Variants in IL5RA observed in about 807,000 individuals in gnomAD.
IL5RA encodes the protein interleukin 5 receptor subunit alpha.
Under a neutral mutation model 50.0 loss-of-function variants are expected in IL5RA, and 49 were observed. That is an observed-to-expected ratio of 0.98 (90% confidence interval 0.78 to 1.24). The LOEUF is 1.24. Ranked by LOEUF, IL5RA falls within the 50% of genes most tolerant of loss-of-function variation. The probability of loss-of-function intolerance (pLI) is 0.00; values close to 1 mark genes in which losing one functional copy is unlikely to be tolerated. For synonymous variants in IL5RA, 202 were observed against 174.0 expected (o/e 1.16, Z -1.26); for missense variants, 600 against 500.4 (o/e 1.20, Z -1.90).
At chr3:3,090,656 T>C (rs933321341) in intron 9 of IL5RA, among the ~76,000 whole-genome samples, 13 of 144,486 alleles carry the variant, frequency 9.0e-5, no homozygotes. Flanking sequence ...AAGCTCCGCC[T>C]CCCGGGTTCA....
At chr3:3,080,915 C>T (rs1196226663) in intron 9 of IL5RA, among the ~76,000 whole-genome samples, 1 of 152,198 alleles carries the variant, frequency 6.6e-6, no homozygotes, top group Non-Finnish European at 1.5e-5. Flanking sequence ...AGGCTGGTCT[C>T]AAACTCCTAA....
intron 9 of IL5RA, among the ~76,000 whole-genome samples, chr3:3,085,679 A>G (rs543204918): frequency 7.9e-5 from 12 of 152,320 alleles, no homozygotes; most frequent in Admixed American, 7.2e-4. Flanking sequence ...AAGTCAAAAG[A>G]AAAAGGCACA....
chr3:3,078,834 C>CA lies in IL5RA; in HGVS notation c.995-2208dup, dbSNP rs371826442. On this transcript the variant is annotated intron_variant, in intron 9 of 11. Transcript: ENST00000446632. ...GGGTGACAAGAGCGAGACTCCGTCTCAAAAAAAAAAAAAAAAAAATTATTT... is the reference window on the plus strand; with the variant it reads ...GGGTGACAAGAGCGAGACTCCGTCTCAAAAAAAAAAAAAAAAAAAATTATTT... 5.7e-3 allele frequency among the ~76,000 whole-genome samples: 775 copies of CA among 135,704 alleles called. 5 individuals carry two copies. Among genetic ancestry groups the CA allele is most frequent in the African/African-American group, 0.016 (620 of 38,166 alleles). 89.0% of individuals were successfully genotyped at this position (135,704 alleles called of 152,430 possible). A position where few individuals can be genotyped will look rare whatever the true frequency, so the allele number is the denominator to read the frequency against.
rs1397288704 is a variant in IL5RA at position 3,095,226 on chromosome 3, A to G, written c.855+73T>C. On this transcript the variant is annotated intron_variant, in intron 8 of 11. Coordinates refer to ENST00000446632, the MANE Select transcript of IL5RA (RefSeq NM_175726.4). ...ACCAAGCTGTAACTTGGTTGCAGTC[A>G]CTGAAGATAATTTTTTAAATGTTTC... 3.3e-6 allele frequency: 4 copies of G among 1,213,412 alleles called. No individual in the cohort carries two copies. The Admixed American group carries it at 8.2e-5, about 25-fold the overall frequency. 75.2% of individuals were successfully genotyped at this position (1,213,412 alleles called of 1,614,324 possible).
intron 5 of IL5RA, among the ~76,000 whole-genome samples, chr3:3,099,160 A>G (rs1175614742): frequency 6.6e-6 from 1 of 152,224 alleles, no homozygotes; most frequent in Admixed American, 6.5e-5. Flanking sequence ...CTTGATGCAC[A>G]TTAGCATGTT....
intron 1 of IL5RA, 120 bp from the exon 2 acceptor site, chr3:3,108,811 C>T (rs1398378595): frequency 6.6e-6 from 1 of 152,136 alleles, no homozygotes; most frequent in Admixed American, 6.5e-5. Flanking sequence ...CAAGCCTGGC[C>T]CACTTTTGGT....
At chr3:3,076,445 CCCT>C in intron 10 of IL5RA, 83 bp downstream of exon 10, 1 of 842,106 alleles carries the variant, frequency 1.2e-6, no homozygotes, top group East Asian at 2.5e-5. Flanking sequence ...ATAATAAGAA[CCCT>C]CTGCCTACCG....
intron 9 of IL5RA, among the ~76,000 whole-genome samples, chr3:3,076,992 T>C (rs553852782): frequency 6.6e-6 from 1 of 152,220 alleles, no homozygotes; most frequent in East Asian, 1.9e-4. Flanking sequence ...AGATAGAAAA[T>C]CCACAAAAAG....
chr3:3,109,576 G>A (rs1013016374), intron 1 of IL5RA, among the ~76,000 whole-genome samples: 6 of 152,152 alleles, frequency 3.9e-5, no homozygotes, highest in African/African-American at 1.4e-4. Context: ...CATAGGTGTT[G>A]TTTTCATATG....
intron 2 of IL5RA, among the ~76,000 whole-genome samples, chr3:3,107,627 G>T (rs1279299861): frequency 6.6e-6 from 1 of 151,924 alleles, no homozygotes; most frequent in Non-Finnish European, 1.5e-5. Flanking sequence ...GCAACTATAG[G>T]TTGTTTATCT....
At chr3:3,107,249 A>ATTTT (rs5846243) in intron 2 of IL5RA, among the ~76,000 whole-genome samples, 7 of 148,444 alleles carry the variant, frequency 4.7e-5, no homozygotes, top group Non-Finnish European at 8.9e-5. Flanking sequence ...AAAGAATGAC[A>ATTTT]TTTTTTTTTT....
chr3:3,070,388 A>G (rs1269741200), intron 11 of IL5RA, 77 bp from the exon 12 acceptor site: 10 of 830,562 alleles, frequency 1.2e-5, no homozygotes, highest in Non-Finnish European at 2.0e-5. Context: ...AATTGGCTTT[A>G]AGTCTATTAT....
chr3:3,097,737 G>T, intron 7 of IL5RA, 133 bp downstream of exon 7: 1 of 949,570 alleles, frequency 1.1e-6, no homozygotes, highest in Non-Finnish European at 1.5e-6. Context: ...TTGCCCCAGT[G>T]GTTTTCAAAC....
At chr3:3,086,630 C>T (rs191418672) in intron 9 of IL5RA, among the ~76,000 whole-genome samples, 38 of 151,974 alleles carry the variant, frequency 2.5e-4, no homozygotes, top group South Asian at 8.3e-4. Context: ...CCCAGGAGTT[C>T]GAGACCAGCC....
intron 9 of IL5RA, among the ~76,000 whole-genome samples, chr3:3,077,432 T>C (rs1231751755): frequency 6.6e-6 from 1 of 152,112 alleles, no homozygotes; most frequent in Non-Finnish European, 1.5e-5. Flanking sequence ...TATGATAGCT[T>C]TGGGGTGTGT....
chr3:3,087,057 C>T (rs190261247), intron 9 of IL5RA, among the ~76,000 whole-genome samples: 62 of 152,068 alleles, frequency 4.1e-4, no homozygotes, highest in African/African-American at 1.4e-3. Context: ...ACATTGAAGA[C>T]GCAGAAGGGG....
Position 3,070,057 on chromosome 3 carries a change from C to T in IL5RA, c.*168G>A, listed in dbSNP as rs1265725030. On this transcript the variant is annotated 3_prime_UTR_variant, in exon 12 of 12. Transcript: ENST00000446632. ...AGGTGAGGCGATTTGGATGAAGCAT[C>T]CATACTTTTAAGAGATACAAGACTG... The T allele has an allele frequency of 5.2e-6, 3 of 576,120 alleles. No homozygotes were observed. Among genetic ancestry groups the T allele is most frequent in the African/African-American group, 3.9e-5 (2 of 51,714 alleles). The allele number at this position is 576,120 out of a possible 1,614,324, so 35.7% of individuals were successfully genotyped here.
chr3:3,087,636 T>TGA lies in IL5RA; in HGVS notation c.994+4587_994+4588insTC, dbSNP rs1553750345. Among the ~76,000 whole-genome samples, 10 of 151,176 alleles carry TGA rather than the reference T, an allele frequency of 6.6e-5. No homozygotes were observed. In the South Asian group the frequency reaches 1.1e-3, roughly 16 times the overall value. On this transcript the variant is annotated intron_variant, in intron 9 of 11. Coordinates refer to ENST00000446632, the MANE Select transcript of IL5RA (RefSeq NM_175726.4). ...CCTCCATTTTCTTACATTAAAATAA[T>TGA]GGGGGGGAAATTAATAACTATGAAA...
intron 11 of IL5RA, among the ~76,000 whole-genome samples, chr3:3,072,340 T>C (rs1702331300): frequency 6.6e-6 from 1 of 152,222 alleles, no homozygotes; most frequent in Non-Finnish European, 1.5e-5. Flanking sequence ...CTCTGCAATG[T>C]GAGAAGAGAA....
Sources: gnomAD v4.1 joint callset for allele counts (sites outside exome capture counted in the v4.1 genomes callset) on GRCh38, gnomAD v4.1.1 for gene constraint, MANE v1.5 for transcripts, NCBI Gene and HGNC (gene_info 2026-07-23, HGNC 2026-07-21) for gene names.